The following AP5Z1 variants were observed in gnomAD, a reference collection of about 807,000 sequenced individuals.
AP5Z1 encodes AP-5 complex subunit zeta-1.
A neutral mutation model predicts 83.0 loss-of-function variants in AP5Z1; 106 were observed. That is an observed-to-expected ratio of 1.28 (90% confidence interval 1.09 to 1.50). The LOEUF (loss-of-function observed/expected upper bound fraction) is 1.50, where lower values mean the gene tolerates loss of function less well. Ranked by LOEUF, AP5Z1 falls within the 40% of genes most tolerant of loss-of-function variation. AP5Z1 has a pLI of 0.00. For synonymous variants in AP5Z1, 751 were observed against 514.1 expected, an observed-to-expected ratio of 1.46 and a Z score of -6.23; for missense variants, 1,565 against 1,094.2, an observed-to-expected ratio of 1.43 and a Z score of -6.07.
At position 4,784,216 on chromosome 7, in the gene AP5Z1, C is replaced by T. The variant is rs1239699041; in HGVS notation, c.635C>T (p.Thr212Ile). 6.3e-7 allele frequency: 1 copy of T among 1,584,008 alleles called. No homozygotes were observed. Among genetic ancestry groups the T allele is most frequent in the Non-Finnish European group, 8.6e-7 (1 of 1,167,708 alleles). Residue 212 changes from threonine to isoleucine, a missense_variant, in exon 6 of 17, where the codon ACC becomes ATC. By Grantham distance (89) the Thr-to-Ile change is moderately conservative (BLOSUM62 -1). Transcript: ENST00000649063. ...TCCTTCCCACAGCCGGGCCCCGTCA[C>T]CGAGGTGGACGGGGCGGTAGCCACA... ...TPRARQPGPV[T>I]EVDGAVATDF...
In AP5Z1 at chr7:4,784,383, G is replaced by A. The variant is rs77790584; in HGVS notation, c.790+12G>A. The stretch of plus-strand genomic sequence containing the variant: ...CACCCTGGACACAGGTGTGCGGGGT[G>A]GGGGGATGACGTCAGACAGGGGTGG... On this transcript the variant is annotated intron_variant, in intron 6 of 16. Coordinates refer to ENST00000649063, the MANE Select transcript of AP5Z1 (RefSeq NM_014855.3). 10 of 1,585,956 alleles carry A rather than the reference G, an allele frequency of 6.3e-6. No individual in the cohort carries two copies. The highest frequency in any genetic ancestry group is 1.7e-4 in the Middle Eastern group (1 of 5,808).
Position 4,787,789 on chromosome 7 carries a change from C to T in AP5Z1, c.1454+13C>T, listed in dbSNP as rs763660409. ...ACCTGCAGCTCAGGTGGGCCCCTCA[C>T]CCTCTGCCAGCGCTGCGTCTCCCAG... On this transcript the variant is annotated intron_variant, in intron 11 of 16. Coordinates refer to ENST00000649063, the MANE Select transcript of AP5Z1 (RefSeq NM_014855.3). 68 of 1,522,040 alleles carry T rather than the reference C, an allele frequency of 4.5e-5. No homozygotes were observed. The East Asian group carries it at 1.4e-3, about 32-fold the overall frequency. The allele number at this position is 1,522,040 out of a possible 1,614,324, so 94.3% of individuals were successfully genotyped here.
rs987687900 is a variant in AP5Z1, at chr7:4,787,526, C to T, written c.1312-108C>T. ...GGGAGGAGGCAAAGGTAGAAGCCCT[C>T]CTGGGGACTGCAGGTCTGGGACAGC... On this transcript the variant is annotated intron_variant, in intron 10 of 16. Transcript: ENST00000649063. 5 of 1,450,560 alleles carry T rather than the reference C, an allele frequency of 3.4e-6. No individual in the cohort carries two copies. The African/African-American group carries it at 5.6e-5, about 16-fold the overall frequency. 89.9% of individuals were successfully genotyped at this position (1,450,560 alleles called of 1,614,324 possible). A position where few individuals can be genotyped will look rare whatever the true frequency, so the allele number is the denominator to read the frequency against.
chr7:4,790,109 C>T (rs1781708234), intron 14 of AP5Z1, 180 bp downstream of exon 14: 1 of 1,374,420 alleles, frequency 7.3e-7, no homozygotes, highest in South Asian at 1.4e-5. Context: ...CTTCTCTCTG[C>T]TTCTCAAGAA....
At chr7:4,790,313 C>T (rs1418237998) in intron 14 of AP5Z1, 146 bp from the exon 15 acceptor site, 7 of 1,549,010 alleles carry the variant, frequency 4.5e-6, no homozygotes, top group Admixed American at 1.9e-5. Context: ...TTCTCTGAGG[C>T]TGGCAGTCTT....
rs902695880 is a variant in AP5Z1 at position 4,787,902 on chromosome 7, C to T, written c.1454+126C>T. 18 of 1,262,850 alleles carry T rather than the reference C, an allele frequency of 1.4e-5. No individual in the cohort carries two copies. In the African/African-American group the frequency reaches 2.6e-4, roughly 18 times the overall value. 78.2% of individuals were successfully genotyped at this position (1,262,850 alleles called of 1,614,324 possible). A position where few individuals can be genotyped will look rare whatever the true frequency, so the allele number is the denominator to read the frequency against. ...CCTTCTTCCCCCCCCAACACCTGAC[C>T]AGTCCTCCCCTGCAAAGCCACCTCT... On this transcript the variant is annotated intron_variant, in intron 11 of 16. Transcript: ENST00000649063.
chr7:4,785,832 C>G, intron 9 of AP5Z1, 148 bp downstream of exon 9: 1 of 1,181,700 alleles, frequency 8.5e-7, no homozygotes, highest in Non-Finnish European at 1.1e-6. Flanking sequence ...GTCTGGAACT[C>G]GTGGCCTCAA....
chr7:4,780,616 A>G (rs923400476), intron 1 of AP5Z1, among the ~76,000 whole-genome samples: 1 of 152,062 alleles, frequency 6.6e-6, no homozygotes, highest in Non-Finnish European at 1.5e-5. Flanking sequence ...ATACAAAAAA[A>G]TTAGCCGGGC....
At position 4,785,624 on chromosome 7, in the gene AP5Z1, C is replaced by G. The variant is rs551568063; in HGVS notation, c.1072C>G (p.Arg358Gly). 1.3e-6 allele frequency: 2 copies of G among 1,574,282 alleles called. No homozygotes were observed. Among genetic ancestry groups the G allele is most frequent in the Non-Finnish European group, 1.7e-6 (2 of 1,163,596 alleles). The stretch of plus-strand genomic sequence containing the variant: ...CCTGAAGGCCCTGCACGGGCGGGTG[C>G]GCGGGGACCCGGCCTCTGTGCGGGT... ...SCLKALHGRV[R>G]GDPASVRVLL... Residue 358 changes from arginine to glycine, a missense_variant, in exon 9 of 17, where the codon CGC becomes GGC. Physicochemically the swap from Arg to Gly is moderately radical, Grantham distance 125. Transcript: ENST00000649063.
intron 13 of AP5Z1, 120 bp downstream of exon 13, chr7:4,789,071 TC>T: frequency 1.2e-6 from 1 of 853,346 alleles, no homozygotes; most frequent in Non-Finnish European, 1.8e-6. Context: ...ACACCCACCA[TC>T]CACGGTCCCT....
rs768900828 is a variant in AP5Z1, at chr7:4,785,055, C to T, written c.931+7C>T. ...ATTGAGCAAAGTAACCGACGTGAGTCCCCCACCCAGGGCACTGGCCTCCCC... is the reference window on the plus strand; with the variant it reads ...ATTGAGCAAAGTAACCGACGTGAGTTCCCCACCCAGGGCACTGGCCTCCCC... On this transcript the variant is annotated splice_region_variant and intron_variant, in intron 7 of 16. Coordinates refer to ENST00000649063, the MANE Select transcript of AP5Z1 (RefSeq NM_014855.3). 1.3e-6 allele frequency: 2 copies of T among 1,590,586 alleles called. No individual in the cohort carries two copies. The highest frequency in any genetic ancestry group is 1.7e-6 in the Non-Finnish European group (2 of 1,165,088).
chr7:4,785,779 TTG>T, intron 9 of AP5Z1, 95 bp downstream of exon 9: 1 of 1,326,844 alleles, frequency 7.5e-7, no homozygotes, highest in Admixed American at 3.0e-5. Flanking sequence ...TTTTTTTTTT[TTG>T]ATTGAATAGA....
In AP5Z1 at chr7:4,784,806, G is replaced by A. The variant is rs117917027; in HGVS notation, c.791-102G>A. ...TGACGCCTCACGCCTCCCGGGAGGG[G>A]CTGCGGCCTGTGCTCTCCTCCTGCC... is the stretch of plus-strand genomic sequence containing the variant. On this transcript the variant is annotated intron_variant, in intron 6 of 16. Transcript: ENST00000649063. 2.5e-5 allele frequency: 36 copies of A among 1,439,164 alleles called. No homozygotes were observed. The East Asian group carries it at 2.8e-4, about 11-fold the overall frequency. 89.1% of individuals were successfully genotyped at this position (1,439,164 alleles called of 1,614,324 possible).
In AP5Z1 at chr7:4,775,648, G is replaced by C. The variant is rs546354621; in HGVS notation, c.-68G>C. 2 of 1,594,752 alleles carry C rather than the reference G, an allele frequency of 1.3e-6. No homozygotes were observed. The highest frequency in any genetic ancestry group is 2.7e-5 in the African/African-American group (2 of 74,766). On this transcript the variant is annotated 5_prime_UTR_variant, in exon 1 of 17. Transcript: ENST00000649063. Reference sequence around the variant, plus strand: ...GACGCGGTCCCGGAAGTTGACCGGGGTGCGGAGCTCCTGGGCTGCAGCTCC... The same window carrying C: ...GACGCGGTCCCGGAAGTTGACCGGGCTGCGGAGCTCCTGGGCTGCAGCTCC...
rs542054269 is a variant in AP5Z1 at position 4,784,952 on chromosome 7, G to T, written c.835G>T (p.Ala279Ser). Residue 279 changes from alanine (A) to serine (S), a missense_variant, in exon 7 of 17, where the codon GCC becomes TCC. Coordinates refer to ENST00000649063, the MANE Select transcript of AP5Z1 (RefSeq NM_014855.3). ...QEGSTLSVIS[A>S]TSSAGRLLPP... The stretch of plus-strand genomic sequence containing the variant: ...GGGCTCCACTCTGTCGGTGATCTCC[G>T]CCACCTCCTCTGCCGGCCGCCTGCT... The T allele has an allele frequency of 2.0e-5, 32 of 1,611,926 alleles. No homozygotes were observed. The highest frequency in any genetic ancestry group is 2.6e-5 in the Non-Finnish European group (31 of 1,179,386).
Position 4,790,739 on chromosome 7 carries a change from A to G in AP5Z1, c.2005A>G (p.Lys669Glu). Residue 669 changes from lysine to glutamate, a missense_variant, in exon 16 of 17, where the codon AAG (lysine) becomes GAG (glutamate). Coordinates refer to ENST00000649063, the MANE Select transcript of AP5Z1 (RefSeq NM_014855.3). ...GAGGTGCACCGTGGAGCAGATCAAC[A>G]AGTTCTTCGAAGCCCTGGAGGCTCT... ...DRRCTVEQINKFFEALEALLF... is the reference protein window; with the variant it reads ...DRRCTVEQINEFFEALEALLF... The G allele has an allele frequency of 2.5e-6, 4 of 1,609,912 alleles. No individual in the cohort carries two copies. The South Asian group carries it at 4.4e-5, about 18-fold the overall frequency.
chr7:4,787,593 C>G (rs200354592), intron 10 of AP5Z1, 41 bp from the exon 11 acceptor site: 2 of 1,532,158 alleles, frequency 1.3e-6, no homozygotes, highest in South Asian at 2.4e-5. Flanking sequence ...GCCTGCTCCA[C>G]AGCTCCGAGC....
Position 4,792,664 on chromosome 7 carries a change from G to A in AP5Z1, c.*1279G>A, listed in dbSNP as rs1043780090. The A allele has an allele frequency of 1.3e-5, 2 of 152,230 alleles. No homozygotes were observed. The highest frequency in any genetic ancestry group is 2.4e-5 in the African/African-American group (1 of 41,464). 9.4% of individuals were successfully genotyped at this position (152,230 alleles called of 1,614,324 possible). On this transcript the variant is annotated 3_prime_UTR_variant, in exon 17 of 17. Coordinates refer to ENST00000649063, the MANE Select transcript of AP5Z1 (RefSeq NM_014855.3). Reference sequence around the variant, plus strand: ...ACGGCTGGTGTCCCCCGCGGCCTGCGATGACAGCCCAGGGCCGCTGAGCCG... The same window carrying A: ...ACGGCTGGTGTCCCCCGCGGCCTGCAATGACAGCCCAGGGCCGCTGAGCCG...
rs1252398275 is a variant in AP5Z1, at chr7:4,788,954, G to A, written c.1707+3G>A. Reference sequence around the variant, plus strand: ...CATTCTTCTCAGCAGTGACCCAGGTGAGCTCGCTGCCTGGGGCCCCCCATT... The same window carrying A: ...CATTCTTCTCAGCAGTGACCCAGGTAAGCTCGCTGCCTGGGGCCCCCCATT... On this transcript the variant is annotated splice_donor_region_variant and intron_variant, in intron 13 of 16. Transcript: ENST00000649063. 1 of 1,609,468 alleles carries A rather than the reference G, an allele frequency of 6.2e-7. No homozygotes were observed. Among genetic ancestry groups the A allele is most frequent in the Middle Eastern group, 1.7e-4 (1 of 6,048 alleles).
Sources: allele counts gnomAD v4.1 joint callset (sites outside exome capture counted in the v4.1 genomes callset), GRCh38; gene constraint gnomAD v4.1.1; transcripts MANE v1.5; gene names NCBI Gene and HGNC (gene_info 2026-07-23, HGNC 2026-07-21).